FAT3: variants seen among roughly 807,000 people sequenced by gnomAD.
FAT3 encodes the protein FAT atypical cadherin 3.
A neutral mutation model predicts 310.2 loss-of-function variants in FAT3; 95 were observed. The ratio of observed to expected loss-of-function variants is 0.31; its 90% CI spans 0.26 to 0.36. The LOEUF is 0.36. Among genes scored for constraint, FAT3 ranks in the 10% least tolerant of loss-of-function variants. The pLI, the probability that FAT3 is intolerant of heterozygous loss-of-function variation, is 1.00. For missense variants in FAT3, 5,408 were observed against 5,715.6 expected (o/e 0.95, Z 1.74); for synonymous variants, 2,314 against 2,192.9 (o/e 1.06, Z -1.54).
At chr11:92,803,800 T>C (rs571848865) in intron 10 of FAT3, among the ~76,000 whole-genome samples, 1 of 152,354 alleles carries the variant, frequency 6.6e-6, no homozygotes, top group Admixed American at 6.5e-5. Context: ...AAGGGCACAG[T>C]TGTCCCCAGT....
chr11:92,495,708 T>G (rs1178540576), intron 2 of FAT3, among the ~76,000 whole-genome samples: 2 of 152,042 alleles, frequency 1.3e-5, no homozygotes, highest in Admixed American at 6.6e-5. Context: ...AGCTTTACAT[T>G]GCAGAGAACA....
At chr11:92,787,779 G>T (rs1290432287) in intron 7 of FAT3, among the ~76,000 whole-genome samples, 1 of 151,270 alleles carries the variant, frequency 6.6e-6, no homozygotes, top group Non-Finnish European at 1.5e-5. Flanking sequence ...AAGAATGTTG[G>T]AATTATTCTG....
rs1245117698 is a variant in FAT3 at position 92,330,997 on chromosome 11, T to TGA, written c.-17-21098_-17-21097insAG. On this transcript the variant is annotated intron_variant, in intron 1 of 27. Coordinates refer to ENST00000525166, the MANE Select transcript of FAT3 (RefSeq NM_001367949.2). Reference sequence around the variant, plus strand: ...GTGTGTGTGTGTGTGTGTGTGTGTGTGTGTGTGAGAGAGAGAGAGAGAGAA... The same window carrying TGA: ...GTGTGTGTGTGTGTGTGTGTGTGTGTGAGTGTGTGAGAGAGAGAGAGAGAGAA... Among the ~76,000 whole-genome samples the TGA allele has an allele frequency of 4.0e-5, 5 of 124,212 alleles. No individual in the cohort carries two copies. The East Asian group carries it at 9.5e-4, about 24-fold the overall frequency. 81.5% of individuals were successfully genotyped at this position (124,212 alleles called of 152,430 possible).
At chr11:92,336,308 G>T in intron 1 of FAT3, 1 of 465,902 alleles carries the variant, frequency 2.1e-6, no homozygotes. Context: ...AGAAGTTTTT[G>T]TCCTCAGGAT....
chr11:92,463,126 G>T (rs1398931466), intron 2 of FAT3, among the ~76,000 whole-genome samples: 5 of 152,154 alleles, frequency 3.3e-5, no homozygotes, highest in Non-Finnish European at 7.3e-5. Context: ...AGTTTATTTT[G>T]CTTTGCTATT....
chr11:92,463,071 G>T (rs1951674931), intron 2 of FAT3, among the ~76,000 whole-genome samples: 1 of 152,214 alleles, frequency 6.6e-6, no homozygotes, highest in South Asian at 2.1e-4. Flanking sequence ...GGTTTATGGG[G>T]TGACAGCATC....
intron 21 of FAT3, 147 bp from the exon 22 acceptor site, chr11:92,866,593 CA>C (rs1949252488): frequency 2.9e-6 from 2 of 700,998 alleles, no homozygotes; most frequent in Non-Finnish European, 4.6e-6. Context: ...GGTTAAAAAT[CA>C]AACCACAACA....
At chr11:92,360,596 A>G (rs955966994) in intron 2 of FAT3, among the ~76,000 whole-genome samples, 1 of 152,242 alleles carries the variant, frequency 6.6e-6, no homozygotes, top group African/African-American at 2.4e-5. Context: ...TTTGGAAGGT[A>G]CAAACTTGAT....
chr11:92,566,697 T>C (rs916432033), intron 3 of FAT3, among the ~76,000 whole-genome samples: 8 of 150,810 alleles, frequency 5.3e-5, no homozygotes, highest in African/African-American at 1.9e-4. Context: ...GAGATACTGA[T>C]CAATGGAACA....
chr11:92,750,881 G>A (rs908761178), intron 4 of FAT3, among the ~76,000 whole-genome samples: 1 of 152,164 alleles, frequency 6.6e-6, no homozygotes, highest in African/African-American at 2.4e-5. Context: ...CAAGAAGTAC[G>A]CCTAGACAGT....
chr11:92,780,521 T>C (rs985550907), intron 7 of FAT3, among the ~76,000 whole-genome samples: 13 of 152,150 alleles, frequency 8.5e-5, no homozygotes, highest in Non-Finnish European at 1.6e-4. Flanking sequence ...GTCATGCCCG[T>C]TTTACAGATA....
At chr11:92,467,705 T>C (rs576540846) in intron 2 of FAT3, among the ~76,000 whole-genome samples, 2 of 152,308 alleles carry the variant, frequency 1.3e-5, no homozygotes, top group South Asian at 4.1e-4. Context: ...ACTTACTTGA[T>C]GATGGGTGTT....
intron 1 of FAT3, among the ~76,000 whole-genome samples, chr11:92,293,372 T>C (rs1194642594): frequency 1.3e-5 from 2 of 151,496 alleles, no homozygotes; most frequent in East Asian, 3.9e-4. Context: ...TAAATTTTTC[T>C]TTTCCTTAGT....
intron 6 of FAT3, among the ~76,000 whole-genome samples, chr11:92,769,129 C>G (rs1013862946): frequency 1.3e-5 from 2 of 152,144 alleles, no homozygotes; most frequent in African/African-American, 4.8e-5. Context: ...CAAGCCTGGA[C>G]CCTTGCATCG....
At chr11:92,410,439 G>GTGGA (rs1370688681) in intron 2 of FAT3, among the ~76,000 whole-genome samples, 1 of 152,118 alleles carries the variant, frequency 6.6e-6, no homozygotes, top group East Asian at 1.9e-4. Context: ...TTGTGGAAGG[G>GTGGA]TGGAGCTTTA....
rs370776713 is a variant in FAT3, at chr11:92,801,148, A to C, written c.8135A>C (p.Gln2712Pro). The C allele has an allele frequency of 2.4e-5, 39 of 1,613,834 alleles. No individual in the cohort carries two copies. The highest frequency in any genetic ancestry group is 1.4e-5 in the Non-Finnish European group (16 of 1,179,880). Residue 2712 changes from glutamine to proline, a missense_variant, in exon 10 of 28, where the codon CAG becomes CCG. Transcript: ENST00000525166. ...TTCTTGCCATCATTCACCCAGTCTC[A>C]GTATTCCTTTACCATTGCAGAAGAT... Reference protein sequence around the residue: ...ETFLPSFTQSQYSFTIAEDTA... With the variant: ...ETFLPSFTQSPYSFTIAEDTA...
chr11:92,829,619 A>G (rs1948189390), intron 13 of FAT3, among the ~76,000 whole-genome samples: 2 of 152,160 alleles, frequency 1.3e-5, no homozygotes, highest in African/African-American at 2.4e-5. Context: ...AGCCACTCCA[A>G]CAATAGCCAG....
chr11:92,391,306 A>G (rs939013293), intron 2 of FAT3, among the ~76,000 whole-genome samples: 4 of 152,158 alleles, frequency 2.6e-5, no homozygotes, highest in African/African-American at 7.2e-5. Context: ...TGTTCCTGCA[A>G]CCTTGCCAAT....
intron 3 of FAT3, among the ~76,000 whole-genome samples, chr11:92,633,708 TAGA>T (rs1233970105): frequency 6.6e-6 from 1 of 152,196 alleles, no homozygotes; most frequent in African/African-American, 2.4e-5. Flanking sequence ...AGGCAAAGGA[TAGA>T]AGGAGAAATG....
Sources: gnomAD v4.1 joint callset for allele counts (sites outside exome capture counted in the v4.1 genomes callset) on GRCh38, gnomAD v4.1.1 for gene constraint, MANE v1.5 for transcripts, NCBI Gene and HGNC (gene_info 2026-07-23, HGNC 2026-07-21) for gene names.